FHIP2B: variants seen among roughly 807,000 people sequenced by gnomAD.
FHIP2B encodes FHF complex subunit HOOK-interacting protein 2B.
FHIP2B carries 72 observed loss-of-function variants against 84.0 expected under a neutral mutation model. That is an observed-to-expected ratio of 0.86 (90% CI 0.71 to 1.04). The LOEUF is 1.04. Ranked by LOEUF, FHIP2B falls within the 50% of genes least tolerant of loss-of-function variation. The pLI, the probability that FHIP2B is intolerant of heterozygous loss-of-function variation, is 0.00. For synonymous variants in FHIP2B, 497 were observed against 418.7 expected (o/e 1.19, Z -2.28); for missense variants, 972 against 968.9 (o/e 1.00, Z -0.04).
chr8:22,099,510 G>A (rs1825982479), intron 9 of FHIP2B, 150 bp downstream of exon 9: 1 of 1,080,614 alleles, frequency 9.3e-7, no homozygotes, highest in Non-Finnish European at 1.3e-6. Flanking sequence ...CCTGCCCCAT[G>A]ATGTGCACGT....
intron 1 of FHIP2B, chr8:22,089,683 T>A: frequency 9.9e-7 from 1 of 1,012,442 alleles, no homozygotes; most frequent in Non-Finnish European, 1.3e-6. Flanking sequence ...TGGGCCTGCC[T>A]CCTTCCTCCG....
chr8:22,090,153 T>TTGGGG lies in FHIP2B; in HGVS notation c.45+855_45+856insTGGGG, dbSNP rs1554573640. ...AAGGGTGGGGGTATTCCCGGTAGGG[T>TTGGGG]GGGGGGGGTGCCCGCTGTTGAAAGT... is the stretch of plus-strand genomic sequence containing the variant. On this transcript the variant is annotated intron_variant, in intron 1 of 16. Transcript: ENST00000289921. Among the ~76,000 whole-genome samples, 176 of 97,840 alleles carry TTGGGG rather than the reference T, an allele frequency of 1.8e-3. 13 individuals carry two copies. The East Asian group carries it at 0.056, about 31-fold the overall frequency. 64.2% of individuals were successfully genotyped at this position (97,840 alleles called of 152,430 possible). A position where few individuals can be genotyped will look rare whatever the true frequency, so the allele number is the denominator to read the frequency against.
intron 7 of FHIP2B, 91 bp from the exon 8 acceptor site, chr8:22,098,857 G>A: frequency 1.7e-6 from 2 of 1,161,790 alleles, no homozygotes; most frequent in Non-Finnish European, 2.5e-6. Flanking sequence ...GGTTCCACAG[G>A]AGAGGGGAAG....
Position 22,099,759 on chromosome 8 carries a change from C to G in FHIP2B, c.1207C>G (p.Leu403Val). Reference protein sequence around the residue: ...TALLTAMLRQLRSPALLREAV... With the variant: ...TALLTAMLRQVRSPALLREAV... ...CCTCCTCACAGCCATGCTGCGCCAG[C>G]TTCGCTCCCCTGCGCTGCTGCGGGA... The change falls in exon 10 of 17, where the codon CTT becomes GTT. Residue 403 changes from leucine to valine, a missense_variant. Leu to Val is a conservative substitution (Grantham distance 32, BLOSUM62 1). Transcript: ENST00000289921. 6.2e-7 allele frequency: 1 copy of G among 1,608,970 alleles called. No homozygotes were observed. Among genetic ancestry groups the G allele is most frequent in the Non-Finnish European group, 8.5e-7 (1 of 1,178,988 alleles).
At position 22,102,594 on chromosome 8, in the gene FHIP2B, C is replaced by T. The variant is rs750775564; in HGVS notation, c.2059C>T (p.Arg687Cys). ...GTTCCCAGGCAAGCTGCTCCTGGTG[C>T]GCAAGCAGTTGACGGGCCAGGCTCC... ...PQFPGKLLLV[R>C]KQLTGQAPGE... The change falls in exon 16 of 17, where the codon CGC (arginine) becomes TGC (cysteine). Residue 687 changes from arginine (R) to cysteine (C), a missense_variant. Transcript: ENST00000289921. 1.6e-4 allele frequency: 257 copies of T among 1,564,234 alleles called. No homozygotes were observed. Among genetic ancestry groups the T allele is most frequent in the Non-Finnish European group, 2.2e-4 (252 of 1,154,744 alleles).
chr8:22,093,786 A>T (rs1825624582), intron 1 of FHIP2B, among the ~76,000 whole-genome samples: 1 of 132,738 alleles, frequency 7.5e-6, no homozygotes, highest in African/African-American at 2.9e-5. Flanking sequence ...CTGCGATCAC[A>T]ATTCACTGAA....
chr8:22,101,728 C>A lies in FHIP2B; in HGVS notation c.1728C>A (p.Arg576=), dbSNP rs781410782. The change falls in exon 14 of 17, where the codon CGC becomes CGA. Residue 576 remains arginine, a synonymous_variant. Transcript: ENST00000289921. ...CTCAGTTCCAGGAGTGCAGCTCCCG[C>A]GTCGCCTCCTGGGGCTGGCCTCTGA... ...AYGLFQECSS[R]VASWGWPLTP... The A allele has an allele frequency of 6.2e-7, 1 of 1,612,492 alleles. No homozygotes were observed. The highest frequency in any genetic ancestry group is 8.5e-7 in the Non-Finnish European group (1 of 1,179,330).
chr8:22,093,779 C>T (rs1825624008), intron 1 of FHIP2B, among the ~76,000 whole-genome samples: 1 of 130,178 alleles, frequency 7.7e-6, no homozygotes. Context: ...TGCAGCGCTG[C>T]GATCACAATT....
rs909204290 is a variant in FHIP2B, at chr8:22,089,768, C to T, written c.45+470C>T. ...CTCGGTCTGATCTCCCAGACAACTC[C>T]AGGACCTTGTTGGGGTGCAGGACGC... On this transcript the variant is annotated intron_variant, in intron 1 of 16. Coordinates refer to ENST00000289921, the MANE Select transcript of FHIP2B (RefSeq NM_022749.7). 7.8e-6 allele frequency: 10 copies of T among 1,284,802 alleles called. No homozygotes were observed. In the African/African-American group the frequency reaches 1.2e-4, roughly 16 times the overall value. 79.6% of individuals were successfully genotyped at this position (1,284,802 alleles called of 1,614,324 possible). A position where few individuals can be genotyped will look rare whatever the true frequency, so the allele number is the denominator to read the frequency against.
In FHIP2B at chr8:22,099,878, C is replaced by T; in HGVS notation, c.1326C>T (p.Asp442=). ...TLYAHLIGHC[D]HLSDEISITT... ...ATGCTCATCTCATCGGGCATTGTGA[C>T]CACCTCTCTGATGAGGTACAGTGGG... The change falls in exon 10 of 17, where the codon GAC becomes GAT. Residue 442 remains aspartate, a synonymous_variant. Transcript: ENST00000289921. 1 of 1,611,174 alleles carries T rather than the reference C, an allele frequency of 6.2e-7. No homozygotes were observed. The highest frequency in any genetic ancestry group is 8.5e-7 in the Non-Finnish European group (1 of 1,178,926).
Position 22,103,788 on chromosome 8 carries a change from G to C in FHIP2B, c.*857G>C, listed in dbSNP as rs1826255703. The C allele has an allele frequency of 6.6e-6, 1 of 152,494 alleles. No homozygotes were observed. The highest frequency in any genetic ancestry group is 2.1e-4 in the South Asian group (1 of 4,832). 9.4% of individuals were successfully genotyped at this position (152,494 alleles called of 1,614,324 possible). A position where few individuals can be genotyped will look rare whatever the true frequency, so the allele number is the denominator to read the frequency against. ...CCTTCTGGGGAGCCAGGGAGCTCAG[G>C]GGACAGATAAGGGAAGGACGCCCCC... On this transcript the variant is annotated 3_prime_UTR_variant, in exon 17 of 17. Coordinates refer to ENST00000289921, the MANE Select transcript of FHIP2B (RefSeq NM_022749.7).
chr8:22,101,051 C>CATCCTGG, intron 12 of FHIP2B, 79 bp downstream of exon 12: 2 of 1,500,720 alleles, frequency 1.3e-6, no homozygotes, highest in Non-Finnish European at 1.8e-6. Context: ...AGTCTCGCTC[C>CATCCTGG]GTCACCCAGG....
chr8:22,102,718 C>T (rs766783802), intron 16 of FHIP2B, 75 bp from the exon 17 acceptor site: 321 of 1,601,710 alleles, frequency 2.0e-4, no homozygotes, highest in African/African-American at 8.6e-4. Flanking sequence ...GGTCAAGCCT[C>T]GTGGATGCTG....
chr8:22,096,741 G>A (rs757289501), intron 3 of FHIP2B: 18 of 529,118 alleles, frequency 3.4e-5, no homozygotes, highest in African/African-American at 1.2e-4. Flanking sequence ...CAGTTCGGGC[G>A]AGAGGAGCAA....
At position 22,100,827 on chromosome 8, in the gene FHIP2B, C is replaced by G; in HGVS notation, c.1488-17C>G. 1 of 1,613,886 alleles carries G rather than the reference C, an allele frequency of 6.2e-7. No individual in the cohort carries two copies. The highest frequency in any genetic ancestry group is 8.5e-7 in the Non-Finnish European group (1 of 1,179,880). ...CCATTCATTCACTGGTGCCGTACTG[C>G]TCTGCCCTGGCCACAGAGACCTGGA... is the stretch of plus-strand genomic sequence containing the variant. On this transcript the variant is annotated splice_polypyrimidine_tract_variant and intron_variant, in intron 11 of 16. Coordinates refer to ENST00000289921, the MANE Select transcript of FHIP2B (RefSeq NM_022749.7).
In FHIP2B at chr8:22,104,147, C is replaced by A. The variant is rs1347678215; in HGVS notation, c.*1216C>A. On this transcript the variant is annotated 3_prime_UTR_variant, in exon 17 of 17. Transcript: ENST00000289921. ...CCTCTGCCTCTCCCACATTCCTCCCCGCGGGGGAGGACCTCGCCGCTCTGA... is the reference window on the plus strand; with the variant it reads ...CCTCTGCCTCTCCCACATTCCTCCCAGCGGGGGAGGACCTCGCCGCTCTGA... The A allele has an allele frequency of 6.6e-6, 1 of 152,418 alleles. No homozygotes were observed. Among genetic ancestry groups the A allele is most frequent in the East Asian group, 1.9e-4 (1 of 5,186 alleles). 9.4% of individuals were successfully genotyped at this position (152,418 alleles called of 1,614,324 possible). A position where few individuals can be genotyped will look rare whatever the true frequency, so the allele number is the denominator to read the frequency against.
intron 1 of FHIP2B, among the ~76,000 whole-genome samples, chr8:22,093,286 C>T (rs1421955595): frequency 1.3e-5 from 2 of 151,696 alleles, no homozygotes; most frequent in African/African-American, 4.8e-5. Flanking sequence ...TTCCTGAAAA[C>T]ATTTACTCTG....
intron 13 of FHIP2B, 34 bp from the exon 14 acceptor site, chr8:22,101,674 A>G (rs1211217354): frequency 6.3e-7 from 1 of 1,585,198 alleles, no homozygotes; most frequent in Non-Finnish European, 8.6e-7. Flanking sequence ...CCCAGTCCCC[A>G]GGCCCACTGC....
At chr8:22,100,291 A>T (rs756243287) in intron 10 of FHIP2B, 1 of 397,368 alleles carries the variant, frequency 2.5e-6, no homozygotes, top group Non-Finnish European at 4.4e-6. Flanking sequence ...GCTAACACGT[A>T]CTACTTCGTG....
Sources: gnomAD v4.1 joint callset for allele counts (sites outside exome capture counted in the v4.1 genomes callset) on GRCh38, gnomAD v4.1.1 for gene constraint, MANE v1.5 for transcripts, NCBI Gene and HGNC (gene_info 2026-07-23, HGNC 2026-07-21) for gene names.